Variants in ITCH observed in about 807,000 individuals in gnomAD.
The protein encoded by ITCH is itchy E3 ubiquitin protein ligase.
Under a neutral mutation model 126.8 loss-of-function variants are expected in ITCH, and 28 were observed. The observed-to-expected ratio is 0.22, with a 90% CI of 0.16 to 0.30. The LOEUF (loss-of-function observed/expected upper bound fraction) is 0.30. Among genes scored for constraint, ITCH ranks in the 10% least tolerant of loss-of-function variants. The pLI is 1.00. For synonymous variants in ITCH, 342 were observed against 340.0 expected (o/e 1.01, Z -0.06); for missense variants, 631 against 1,032.4 (o/e 0.61, Z 5.33).
intron 3 of ITCH, among the ~76,000 whole-genome samples, chr20:34,401,028 G>A (rs560439234): frequency 6.6e-6 from 1 of 152,014 alleles, no homozygotes; most frequent in Non-Finnish European, 1.5e-5. Context: ...CAAAGTTCTC[G>A]AATTACAGGC....
chr20:34,411,491 C>T (rs1979037325), intron 4 of ITCH, among the ~76,000 whole-genome samples: 1 of 152,106 alleles, frequency 6.6e-6, no homozygotes, highest in South Asian at 2.1e-4. Flanking sequence ...AATATGAGCT[C>T]TCTTGAAAGT....
At chr20:34,366,696 G>A (rs539493305) in intron 1 of ITCH, among the ~76,000 whole-genome samples, 2 of 151,562 alleles carry the variant, frequency 1.3e-5, no homozygotes, top group East Asian at 1.9e-4. Flanking sequence ...GTGATATCCC[G>A]TCTTTACCAA....
At position 34,402,221 on chromosome 20, in the gene ITCH, A is replaced by G. The variant is rs1177628375; in HGVS notation, c.71-6430A>G. 1.5e-5 allele frequency: 21 copies of G among 1,411,424 alleles called. No homozygotes were observed. The Admixed American group carries it at 1.7e-4, about 11-fold the overall frequency. The allele number at this position is 1,411,424 out of a possible 1,614,324, so 87.4% of individuals were successfully genotyped here. On this transcript the variant is annotated intron_variant, in intron 3 of 24. Coordinates refer to ENST00000374864, the MANE Select transcript of ITCH (RefSeq NM_031483.7). ...CAGCCAATATTGCTTCGTCAAATAC[A>G]TTCTTTAGGCCTTTCTTTGTGAGTG...
chr20:34,503,885 G>GTTTTTTTTTTTTT (rs11167236), intron 23 of ITCH, among the ~76,000 whole-genome samples: 1 of 109,632 alleles, frequency 9.1e-6, no homozygotes, highest in Non-Finnish European at 1.8e-5. Context: ...TTTTTTTTTG[G>GTTTTTTTTTTTTT]TTTTTTTTTT....
chr20:34,442,108 T>C (rs1428630299), intron 9 of ITCH, 100 bp from the exon 10 acceptor site: 1 of 818,828 alleles, frequency 1.2e-6, no homozygotes, highest in Non-Finnish European at 2.1e-6. Context: ...CTTATTTGCC[T>C]TAGTTCAATA....
At chr20:34,447,851 T>C (rs1293148655) in intron 11 of ITCH, among the ~76,000 whole-genome samples, 1 of 152,106 alleles carries the variant, frequency 6.6e-6, no homozygotes, top group Non-Finnish European at 1.5e-5. Context: ...ACCTCATCAA[T>C]CAACCAGGTT....
chr20:34,384,775 C>A (rs1488734901), intron 2 of ITCH, among the ~76,000 whole-genome samples: 1 of 150,816 alleles, frequency 6.6e-6, no homozygotes. Context: ...ATTCTCCTGC[C>A]TCAGCCTCCC....
chr20:34,500,585 C>T (rs2146550732), intron 23 of ITCH, among the ~76,000 whole-genome samples: 1 of 152,252 alleles, frequency 6.6e-6, no homozygotes, highest in Non-Finnish European at 1.5e-5. Flanking sequence ...TTGGAGGCAG[C>T]ATATGATAGT....
chr20:34,495,638 A>G (rs1053898890), intron 23 of ITCH, among the ~76,000 whole-genome samples: 1 of 152,134 alleles, frequency 6.6e-6, no homozygotes, highest in African/African-American at 2.4e-5. Flanking sequence ...AAATGTCTGA[A>G]GTATTCCAGT....
chr20:34,494,085 C>T (rs750205048), intron 23 of ITCH, among the ~76,000 whole-genome samples: 4 of 152,242 alleles, frequency 2.6e-5, no homozygotes, highest in Non-Finnish European at 4.4e-5. Flanking sequence ...AAAAATTAGC[C>T]GGGCGTGTTG....
intron 3 of ITCH, 26 bp from the exon 4 acceptor site, chr20:34,408,625 A>G (rs766047864): frequency 1.3e-6 from 2 of 1,593,676 alleles, no homozygotes; most frequent in African/African-American, 1.3e-5. Context: ...TCAACTATTG[A>G]AATGTTTTTC....
Position 34,413,812 on chromosome 20 carries a change from A to G in ITCH, c.408A>G (p.Ser136=), listed in dbSNP as rs373829127. 3.8e-5 allele frequency: 62 copies of G among 1,613,414 alleles called. No homozygotes were observed. The African/African-American group carries it at 6.3e-4, about 16-fold the overall frequency. ...KEPTETIGDL[S]ICLDGLQLES... Reference sequence around the variant, plus strand: ...CAACAGAGACAATAGGAGACTTGTCAATTTGTCTTGATGGGCTACAGTTAG... The same window carrying G: ...CAACAGAGACAATAGGAGACTTGTCGATTTGTCTTGATGGGCTACAGTTAG... The change falls in exon 6 of 25, where the codon TCA becomes TCG. Residue 136 remains serine, a synonymous_variant. Coordinates refer to ENST00000374864, the MANE Select transcript of ITCH (RefSeq NM_031483.7).
At chr20:34,476,530 C>T (rs1016006894) in intron 16 of ITCH, 2 of 1,034,290 alleles carry the variant, frequency 1.9e-6, no homozygotes, top group Non-Finnish European at 2.4e-6. Context: ...AACCTTGTGA[C>T]ATTTCTCATT....
chr20:34,368,101 C>T (rs2037485107), intron 1 of ITCH, among the ~76,000 whole-genome samples: 1 of 152,062 alleles, frequency 6.6e-6, no homozygotes, highest in South Asian at 2.1e-4. Context: ...AAACCCCCAT[C>T]TCTACTAAAA....
chr20:34,441,665 A>T, intron 9 of ITCH: 1 of 158,816 alleles, frequency 6.3e-6, no homozygotes, highest in Non-Finnish European at 1.4e-5. Flanking sequence ...GGCTTACTGC[A>T]ACCACTGCCT....
intron 6 of ITCH, 33 bp downstream of exon 6, chr20:34,413,912 T>G: frequency 6.4e-7 from 1 of 1,552,492 alleles, no homozygotes; most frequent in South Asian, 1.1e-5. Context: ...TCTTTAATGA[T>G]TCTTCTTAAA....
intron 6 of ITCH, among the ~76,000 whole-genome samples, chr20:34,415,370 G>GAC (rs1979680379): frequency 6.6e-6 from 1 of 151,828 alleles, no homozygotes; most frequent in African/African-American, 2.4e-5. Flanking sequence ...ACCAGCCTAG[G>GAC]CAACATAACA....
At chr20:34,380,701 T>G (rs2038027152) in intron 2 of ITCH, among the ~76,000 whole-genome samples, 1 of 150,784 alleles carries the variant, frequency 6.6e-6, no homozygotes, top group African/African-American at 2.4e-5. Context: ...TTTTCCTGCC[T>G]TTGCCTCCTA....
At chr20:34,381,390 C>T (rs1301259734) in intron 2 of ITCH, among the ~76,000 whole-genome samples, 2 of 151,478 alleles carry the variant, frequency 1.3e-5, no homozygotes, top group African/African-American at 4.9e-5. Flanking sequence ...TCAAGTGATT[C>T]TCCTGCTGGG....
Sources: allele counts gnomAD v4.1 joint callset (sites outside exome capture counted in the v4.1 genomes callset), GRCh38; gene constraint gnomAD v4.1.1; transcripts MANE v1.5; gene names NCBI Gene and HGNC (gene_info 2026-07-23, HGNC 2026-07-21).